The following BST1 variants were observed in gnomAD, a reference collection of about 807,000 sequenced individuals.
BST1 encodes the protein bone marrow stromal cell antigen 1.
A neutral mutation model predicts 40.6 loss-of-function variants in BST1; 49 were observed. The ratio of observed to expected loss-of-function variants is 1.21; its 90% confidence interval spans 0.96 to 1.53. BST1 has a LOEUF of 1.53. Among genes scored for constraint, BST1 ranks in the 40% most tolerant of loss-of-function variants. The pLI is 0.00. For synonymous variants in BST1, 157 were observed against 159.3 expected (o/e 0.99, Z 0.11); for missense variants, 423 against 395.9 (o/e 1.07, Z -0.58).
chr4:15,731,445 G>C (rs531933011), intron 8 of BST1: 16 of 725,550 alleles, frequency 2.2e-5, no homozygotes, highest in Non-Finnish European at 3.9e-5. Context: ...GGAGAACTTG[G>C]GGCAGGGAGT....
chr4:15,725,788 T>C lies in BST1; in HGVS notation c.851+2854T>C, dbSNP rs369257936. 4.4e-4 allele frequency among the ~76,000 whole-genome samples: 67 copies of C among 152,250 alleles called. 1 individual carries two copies. The highest frequency in any genetic ancestry group is 3.4e-3 in the Middle Eastern group (1 of 294). The stretch of plus-strand genomic sequence containing the variant: ...TGATCTGAAATTGTCAGTTTTCTTA[T>C]CTACAAAGCCTCCATGAGGTTACCC... On this transcript the variant is annotated intron_variant, in intron 8 of 8. Transcript: ENST00000265016.
the BST1 span, among the ~76,000 whole-genome samples, chr4:15,754,798 C>T: frequency 1.3e-5 from 2 of 152,208 alleles, no homozygotes; most frequent in Non-Finnish European, 2.9e-5. Context: ...GAAAAAATCT[C>T]ATTCCCACTC....
At chr4:15,713,035 A>G (rs1291647675) in intron 4 of BST1, among the ~76,000 whole-genome samples, 3 of 152,204 alleles carry the variant, frequency 2.0e-5, no homozygotes, top group East Asian at 1.9e-4. Flanking sequence ...ACTTCCTCCA[A>G]TTCTATAATG....
At chr4:15,735,754 T>C (rs530846145), downstream of BST1, among the ~76,000 whole-genome samples, 17 of 152,326 alleles carry the variant, frequency 1.1e-4, no homozygotes, top group African/African-American at 3.8e-4. Flanking sequence ...GAAAACACAG[T>C]GTCTGCTGCC....
intron 3 of BST1, among the ~76,000 whole-genome samples, chr4:15,710,618 T>C (rs1368129164): frequency 1.3e-5 from 2 of 152,176 alleles, no homozygotes; most frequent in Non-Finnish European, 2.9e-5. Context: ...GTAGCCACTA[T>C]TCTACCCCCA....
At chr4:15,753,376 G>A in the BST1 span, among the ~76,000 whole-genome samples, 2 of 152,186 alleles carry the variant, frequency 1.3e-5, no homozygotes, top group Admixed American at 1.3e-4. Flanking sequence ...GAATTAGAAG[G>A]TATCCATCGT....
chr4:15,763,185 G>T, the BST1 span, among the ~76,000 whole-genome samples: 16 of 151,914 alleles, frequency 1.1e-4, no homozygotes, highest in South Asian at 1.7e-3. Flanking sequence ...GACTTTTAAA[G>T]ATTGTAGCTT....
intron 8 of BST1, among the ~76,000 whole-genome samples, chr4:15,727,716 A>G (rs570290836): frequency 6.6e-5 from 10 of 152,254 alleles, no homozygotes; most frequent in Non-Finnish European, 1.5e-4. Context: ...GAAAAATATC[A>G]CAGTCTTTGA....
At chr4:15,733,946 T>C (rs1485378660), downstream of BST1, among the ~76,000 whole-genome samples, 4 of 152,258 alleles carry the variant, frequency 2.6e-5, no homozygotes, top group African/African-American at 7.2e-5. Context: ...AAGCCATGTT[T>C]ACCAATTCAC....
chr4:15,736,283 T>G, downstream of BST1: 1 of 247,872 alleles, frequency 4.0e-6, no homozygotes, highest in Non-Finnish European at 6.4e-6. Context: ...AAATCAGCAA[T>G]GGTTTCCTAC....
intron 1 of BST1, among the ~76,000 whole-genome samples, chr4:15,704,400 ATG>A (rs34873617): frequency 0.69 from 94,340 of 136,598 alleles, 31,516 homozygotes; most frequent in East Asian, 0.8. Context: ...GAGGTAAGGG[ATG>A]TGTGTGTGTG....
intron 1 of BST1, among the ~76,000 whole-genome samples, chr4:15,703,943 G>GGT (rs532464456): frequency 1.3e-4 from 18 of 138,662 alleles, no homozygotes; most frequent in Admixed American, 8.6e-4. Flanking sequence ...AGAGGTGAGG[G>GGT]GTGTGTGTGT....
chr4:15,766,828 A>G, the BST1 span, among the ~76,000 whole-genome samples: 1 of 151,272 alleles, frequency 6.6e-6, no homozygotes, highest in African/African-American at 2.4e-5. Flanking sequence ...TAAAAAAAAA[A>G]CAGGTTAACC....
chr4:15,756,506 T>C, the BST1 span, among the ~76,000 whole-genome samples: 1 of 152,262 alleles, frequency 6.6e-6, no homozygotes, highest in Admixed American at 6.5e-5. Flanking sequence ...CACATTTTCC[T>C]GACCTGGGTG....
the BST1 span, among the ~76,000 whole-genome samples, chr4:15,768,605 T>A: frequency 4.0e-5 from 6 of 150,892 alleles, no homozygotes; most frequent in Non-Finnish European, 8.8e-5. Flanking sequence ...GCCATTCTCC[T>A]GCCTCAGCCT....
chr4:15,710,875 C>T (rs1037251744), intron 3 of BST1, among the ~76,000 whole-genome samples: 1 of 151,892 alleles, frequency 6.6e-6, no homozygotes, highest in Non-Finnish European at 1.5e-5. Flanking sequence ...CTGCAGCATT[C>T]GCCCCCCAGG....
At chr4:15,735,566 G>C (rs1410616363), downstream of BST1, among the ~76,000 whole-genome samples, 1 of 152,168 alleles carries the variant, frequency 6.6e-6, no homozygotes, top group Non-Finnish European at 1.5e-5. Flanking sequence ...GGGTGTGTGA[G>C]GGGAGCCGTG....
At chr4:15,747,011 G>A in the BST1 span, among the ~76,000 whole-genome samples, 3 of 152,142 alleles carry the variant, frequency 2.0e-5, no homozygotes, top group African/African-American at 4.8e-5. Flanking sequence ...TCCAACAAAT[G>A]GGTATGGGTC....
At chr4:15,757,051 C>T in the BST1 span, among the ~76,000 whole-genome samples, 3 of 152,102 alleles carry the variant, frequency 2.0e-5, no homozygotes, top group African/African-American at 7.2e-5. Flanking sequence ...GAGGGCTGTT[C>T]CTAGACAATT....
Sources: allele counts gnomAD v4.1 joint callset (sites outside exome capture counted in the v4.1 genomes callset), GRCh38; gene constraint gnomAD v4.1.1; transcripts MANE v1.5; gene names NCBI Gene and HGNC (gene_info 2026-07-23, HGNC 2026-07-21).